S100A5: variants seen among roughly 807,000 people sequenced by gnomAD.
The protein encoded by S100A5 is S100 calcium binding protein A5, also known as protein S100-A5.
A neutral mutation model predicts 6.7 loss-of-function variants in S100A5; 5 were observed. The ratio of observed to expected loss-of-function variants is 0.75; its 90% CI spans 0.39 to 1.57. S100A5 has a LOEUF of 1.57. Among genes scored for constraint, S100A5 ranks in the 40% most tolerant of loss-of-function variants. S100A5 has a pLI of 0.03. For synonymous variants in S100A5, 49 were observed against 44.9 expected (o/e 1.09, Z -0.37); for missense variants, 129 against 110.8 (o/e 1.16, Z -0.74).
rs1031786902 is a variant in S100A5 at position 153,540,845 on chromosome 1, T to C, written c.-239A>G. Among the ~76,000 whole-genome samples, 1 of 151,944 alleles carries C rather than the reference T, an allele frequency of 6.6e-6. No homozygotes were observed. The highest frequency in any genetic ancestry group is 1.5e-5 in the Non-Finnish European group (1 of 67,980). On this transcript the variant is annotated 5_prime_UTR_variant, in exon 1 of 3. Transcript: ENST00000368717. ...AGGGGGCCTCTTGAAATCTCCAGGATCATTCCAAAACCTGGATCCAGAGGC... is the reference window on the plus strand; with the variant it reads ...AGGGGGCCTCTTGAAATCTCCAGGACCATTCCAAAACCTGGATCCAGAGGC...
At chr1:153,542,730 G>A (rs1406020685), upstream of S100A5, among the ~76,000 whole-genome samples, 6 of 152,152 alleles carry the variant, frequency 3.9e-5, no homozygotes, top group Non-Finnish European at 8.8e-5. Flanking sequence ...GGAGCCACTG[G>A]CCTTGAACCT....
upstream of S100A5, chr1:153,542,033 G>T (rs1665407100): frequency 2.7e-6 from 1 of 369,780 alleles, no homozygotes; most frequent in Non-Finnish European, 3.7e-6. Context: ...ATGGAGGACT[G>T]AGAATCAGGA....
upstream of S100A5, among the ~76,000 whole-genome samples, chr1:153,542,370 A>G (rs1445038400): frequency 1.3e-5 from 2 of 152,166 alleles, no homozygotes; most frequent in Non-Finnish European, 1.5e-5. Context: ...GTTGCTATGC[A>G]GTAGGCATCT....
Position 153,537,182 on chromosome 1 carries a change from A to G in S100A5, c.*114T>C, listed in dbSNP as rs554455092. On this transcript the variant is annotated 3_prime_UTR_variant, in exon 3 of 3. Coordinates refer to ENST00000368717, the MANE Select transcript of S100A5 (RefSeq NM_001394232.1). ...TGCGATGGAAACTTTATTTCCTCCC[A>G]TGGAAGGGTCCATCTGGGAGGGAGA... 2.1e-5 allele frequency: 26 copies of G among 1,225,342 alleles called. No homozygotes were observed. In the African/African-American group the frequency reaches 3.3e-4, roughly 16 times the overall value. 75.9% of individuals were successfully genotyped at this position (1,225,342 alleles called of 1,614,324 possible).
chr1:153,538,709 T>C (rs1665272204), intron 2 of S100A5, among the ~76,000 whole-genome samples: 1 of 152,190 alleles, frequency 6.6e-6, no homozygotes, highest in Admixed American at 6.5e-5. Flanking sequence ...GCACCCAGGC[T>C]AAATTTTAAA....
At chr1:153,541,578 A>G (rs550619015), upstream of S100A5, 1 of 1,234,264 alleles carries the variant, frequency 8.1e-7, no homozygotes, top group Admixed American at 2.8e-5. Context: ...CCTTCTGCCA[A>G]TCTCACCTTC....
upstream of S100A5, chr1:153,541,310 C>T (rs934250518): frequency 4.8e-6 from 6 of 1,239,090 alleles, no homozygotes; most frequent in African/African-American, 7.7e-5. Context: ...GAGGTCACCA[C>T]CACTTGTCAC....
At chr1:153,541,546 G>C (rs538899944), upstream of S100A5, 1 of 1,298,026 alleles carries the variant, frequency 7.7e-7, no homozygotes, top group African/African-American at 1.5e-5. Flanking sequence ...AGAGCCTCCC[G>C]GGATGGAGCT....
intron 2 of S100A5, among the ~76,000 whole-genome samples, chr1:153,537,790 G>C (rs1191496168): frequency 1.3e-5 from 2 of 152,216 alleles, no homozygotes; most frequent in East Asian, 3.8e-4. Flanking sequence ...GCTCACACCT[G>C]TAATCCTAGC....
chr1:153,541,789 G>C, upstream of S100A5: 6 of 1,077,742 alleles, frequency 5.6e-6, no homozygotes, highest in Admixed American at 5.1e-5. Context: ...CCATCTCCCC[G>C]TGTCCTAGGA....
At chr1:153,537,503 T>C in intron 2 of S100A5, 67 bp from the exon 3 acceptor site, 1 of 1,588,252 alleles carries the variant, frequency 6.3e-7, no homozygotes, top group Non-Finnish European at 8.6e-7. Context: ...CACCACTGCA[T>C]GGTGTCATCC....
intron 2 of S100A5, among the ~76,000 whole-genome samples, chr1:153,539,154 G>A (rs755764722): frequency 6.6e-6 from 1 of 151,060 alleles, no homozygotes; most frequent in African/African-American, 2.4e-5. Context: ...TTGGCCAGGC[G>A]CAGTGGCTCA....
At position 153,540,714 on chromosome 1, in the gene S100A5, G is replaced by A; in HGVS notation, c.-108C>T. ...GGGCTGGGCTGGAACTGGGTGATGGGGTCTCAACAAGGAGCAGCAGGGAGG... is the reference window on the plus strand; with the variant it reads ...GGGCTGGGCTGGAACTGGGTGATGGAGTCTCAACAAGGAGCAGCAGGGAGG... On this transcript the variant is annotated 5_prime_UTR_variant, in exon 1 of 3. Transcript: ENST00000368717. 6.1e-6 allele frequency: 1 copy of A among 164,728 alleles called. No homozygotes were observed. The allele number at this position is 164,728 out of a possible 1,614,324, so 10.2% of individuals were successfully genotyped here.
rs761217979 is a variant in S100A5, at chr1:153,537,302, G to C, written c.273C>G (p.Asn91Lys). ...MAYNDFFLEDNK is the reference protein window; with the variant it reads ...MAYNDFFLEDKK ...GGGTGGAGGGCAGCCCTGGTCACTT[G>C]TTGTCCTCTAGAAAGAAGTCGTTGT... The change falls in exon 3 of 3, where the codon AAC becomes AAG. Residue 91 changes from asparagine to lysine, a missense_variant. Physicochemically the swap from Asn to Lys is moderately conservative, Grantham distance 94. Coordinates refer to ENST00000368717, the MANE Select transcript of S100A5 (RefSeq NM_001394232.1). The C allele has an allele frequency of 1.2e-6, 2 of 1,613,470 alleles. No homozygotes were observed. The highest frequency in any genetic ancestry group is 2.2e-5 in the South Asian group (2 of 91,054).
intron 2 of S100A5, among the ~76,000 whole-genome samples, chr1:153,538,633 T>A (rs940376081): frequency 6.6e-6 from 1 of 152,142 alleles, no homozygotes; most frequent in Admixed American, 6.5e-5. Context: ...CCCCTGCCCA[T>A]GTGGCACACT....
upstream of S100A5, chr1:153,543,680 A>C: frequency 7.2e-7 from 1 of 1,385,664 alleles, no homozygotes; most frequent in Non-Finnish European, 1.0e-6. Context: ...TGAAGGAGCC[A>C]GGGTGGAAAA....
At chr1:153,543,316 T>C (rs1209783390), upstream of S100A5, 2 of 984,656 alleles carry the variant, frequency 2.0e-6, no homozygotes, top group Non-Finnish European at 2.4e-6. Flanking sequence ...CGGTTCAAGA[T>C]CCTGCCAGAG....
intron 1 of S100A5, 40 bp from the exon 2 acceptor site, chr1:153,540,245 C>T: frequency 6.2e-7 from 1 of 1,608,508 alleles, no homozygotes; most frequent in South Asian, 1.1e-5. Context: ...CTCAGGAAGT[C>T]ACCACCAGCA....
At chr1:153,539,018 T>G (rs930534402) in intron 2 of S100A5, among the ~76,000 whole-genome samples, 1 of 152,074 alleles carries the variant, frequency 6.6e-6, no homozygotes, top group African/African-American at 2.4e-5. Flanking sequence ...TAGTCCTAGC[T>G]TCTCAGGAGG....
Sources: allele counts gnomAD v4.1 joint callset (sites outside exome capture counted in the v4.1 genomes callset), GRCh38; gene constraint gnomAD v4.1.1; transcripts MANE v1.5; gene names NCBI Gene and HGNC (gene_info 2026-07-23, HGNC 2026-07-21).